The following PCDH15 variants were observed in gnomAD, a reference collection of about 807,000 sequenced individuals.
PCDH15 encodes the protein protocadherin-15.
In PCDH15, 129 loss-of-function variants were observed where a neutral mutation model predicts 178.5. That is an observed-to-expected ratio of 0.72 (90% CI 0.63 to 0.84). The LOEUF (loss-of-function observed/expected upper bound fraction) is 0.84. Ranked by LOEUF, PCDH15 falls within the 40% of genes least tolerant of loss-of-function variation. PCDH15 has a pLI of 0.00. For missense variants in PCDH15, 2,230 were observed against 2,099.9 expected, an observed-to-expected ratio of 1.06 and a Z score of -1.21; for synonymous variants, 800 against 732.0, an observed-to-expected ratio of 1.09 and a Z score of -1.50.
At chr10:54,556,676 A>C (rs1028097543) in intron 2 of PCDH15, among the ~76,000 whole-genome samples, 2 of 135,466 alleles carry the variant, frequency 1.5e-5, no homozygotes, top group Non-Finnish European at 3.1e-5. Context: ...TTTCAGTGAG[A>C]GCAGGTTAAT....
intron 17 of PCDH15, among the ~76,000 whole-genome samples, 156 bp from the exon 18 acceptor site, chr10:54,067,041 TA>T (rs1218628687): frequency 1.1e-4 from 16 of 151,728 alleles, no homozygotes; most frequent in Middle Eastern, 3.4e-3. Flanking sequence ...ATAAAAAAAT[TA>T]AAAAAAAGAA....
intron 3 of PCDH15, among the ~76,000 whole-genome samples, chr10:54,839,327 G>T (rs1193874497): frequency 1.3e-5 from 2 of 151,942 alleles, no homozygotes; most frequent in Non-Finnish European, 2.9e-5. Flanking sequence ...ACCATAAAAA[G>T]AGATTCAAAT....
intron 20 of PCDH15, among the ~76,000 whole-genome samples, chr10:54,009,589 G>C (rs1190030145): frequency 1.3e-5 from 2 of 152,186 alleles, no homozygotes; most frequent in East Asian, 3.9e-4. Context: ...GTGGACACTA[G>C]CTCATCTGAA....
rs988184836 is a variant in PCDH15 at position 53,804,071 on chromosome 10, C to T, written c.*2508G>A. The T allele has an allele frequency of 2.0e-5, 3 of 151,750 alleles. No individual in the cohort carries two copies. The highest frequency in any genetic ancestry group is 7.3e-5 in the African/African-American group (3 of 41,366). 9.4% of individuals were successfully genotyped at this position (151,750 alleles called of 1,614,324 possible). On this transcript the variant is annotated 3_prime_UTR_variant, in exon 38 of 38. Coordinates refer to ENST00000644397, the MANE Select transcript of PCDH15 (RefSeq NM_001384140.1). ...TATGAAAGTAACTATTTAATTGATC[C>T]AGATTTATTTAGTTAGTAATAATTT...
At chr10:54,378,152 T>C (rs1252783175) in intron 4 of PCDH15, among the ~76,000 whole-genome samples, 1 of 152,032 alleles carries the variant, frequency 6.6e-6, no homozygotes, top group Non-Finnish European at 1.5e-5. Context: ...CTCAAACTCC[T>C]GGGCTCAAGC....
chr10:54,784,590 C>T (rs994770084), intron 1 of PCDH15, among the ~76,000 whole-genome samples: 6 of 151,918 alleles, frequency 3.9e-5, no homozygotes, highest in African/African-American at 1.4e-4. Flanking sequence ...CTAGATTGGC[C>T]TGAAAATAAA....
intron 2 of PCDH15, among the ~76,000 whole-genome samples, chr10:54,946,148 C>T (rs1455059528): frequency 2.0e-5 from 3 of 151,558 alleles, no homozygotes; most frequent in African/African-American, 7.3e-5. Context: ...ATTTTAATGA[C>T]CAAAGACTTC....
chr10:55,120,824 C>T (rs569555558), intron 2 of PCDH15, among the ~76,000 whole-genome samples: 4 of 152,222 alleles, frequency 2.6e-5, no homozygotes, highest in African/African-American at 9.6e-5. Context: ...ATTAGTAAAT[C>T]TTCATGGCGT....
At chr10:54,513,793 A>T (rs1056686759) in intron 3 of PCDH15, among the ~76,000 whole-genome samples, 2 of 152,220 alleles carry the variant, frequency 1.3e-5, no homozygotes, top group Non-Finnish European at 2.9e-5. Context: ...AAAAAACAGT[A>T]TTTGAAATGC....
At chr10:54,427,165 A>G (rs1189026556) in intron 3 of PCDH15, among the ~76,000 whole-genome samples, 1 of 150,950 alleles carries the variant, frequency 6.6e-6, no homozygotes, top group Non-Finnish European at 1.5e-5. Context: ...TATACTCCAC[A>G]GCTATCAAGT....
chr10:54,424,149 A>G (rs1722787120), intron 3 of PCDH15, among the ~76,000 whole-genome samples: 1 of 151,976 alleles, frequency 6.6e-6, no homozygotes, highest in Non-Finnish European at 1.5e-5. Context: ...TCTACGAAGA[A>G]CTCAAACAAA....
chr10:54,686,564 A>G (rs985348781), intron 1 of PCDH15, among the ~76,000 whole-genome samples: 3 of 149,748 alleles, frequency 2.0e-5, no homozygotes, highest in African/African-American at 7.3e-5. Context: ...TTACGTCAAT[A>G]ACCTATTTTG....
intron 2 of PCDH15, among the ~76,000 whole-genome samples, chr10:55,606,393 CTACTT>C (rs1224487289): frequency 1.3e-5 from 2 of 149,580 alleles, no homozygotes; most frequent in Non-Finnish European, 3.0e-5. Context: ...TTGGAAAAAA[CTACTT>C]TAAAGTTCAT....
At chr10:54,251,810 C>T (rs1333743834) in intron 8 of PCDH15, among the ~76,000 whole-genome samples, 1 of 152,094 alleles carries the variant, frequency 6.6e-6, no homozygotes, top group African/African-American at 2.4e-5. Flanking sequence ...TAAATCTCTT[C>T]AGTTTAATTA....
chr10:55,002,783 TAAA>T (rs1484085042), intron 2 of PCDH15, among the ~76,000 whole-genome samples: 1 of 152,180 alleles, frequency 6.6e-6, no homozygotes, highest in Non-Finnish European at 1.5e-5. Flanking sequence ...GTTCCAGGGA[TAAA>T]AGTAGTTCAG....
chr10:53,988,884 TAAGAG>T (rs977977666), intron 21 of PCDH15, among the ~76,000 whole-genome samples: 1 of 152,146 alleles, frequency 6.6e-6, no homozygotes, highest in Non-Finnish European at 1.5e-5. Flanking sequence ...TAGACAAATT[TAAGAG>T]TTTAATTGAG....
chr10:54,705,098 C>T (rs892213569), intron 1 of PCDH15, among the ~76,000 whole-genome samples: 1 of 152,118 alleles, frequency 6.6e-6, no homozygotes, highest in Non-Finnish European at 1.5e-5. Flanking sequence ...CATGTTCTCA[C>T]TTATAAGTAG....
At chr10:54,840,377 T>C (rs970415700) in intron 3 of PCDH15, among the ~76,000 whole-genome samples, 7 of 151,940 alleles carry the variant, frequency 4.6e-5, no homozygotes, top group Admixed American at 4.6e-4. Context: ...CAGCTTAGAA[T>C]ACATACCTAT....
At chr10:55,558,211 T>G (rs571528576) in intron 2 of PCDH15, among the ~76,000 whole-genome samples, 1 of 152,236 alleles carries the variant, frequency 6.6e-6, no homozygotes, top group Non-Finnish European at 1.5e-5. Flanking sequence ...TTATTATATA[T>G]TCTGACAGCC....
Sources: allele counts gnomAD v4.1 joint callset (sites outside exome capture counted in the v4.1 genomes callset), GRCh38; gene constraint gnomAD v4.1.1; transcripts MANE v1.5; gene names NCBI Gene and HGNC (gene_info 2026-07-23, HGNC 2026-07-21).